SPEF2: variants seen among roughly 807,000 people sequenced by gnomAD.
SPEF2 encodes the protein sperm flagellar and cilia associated 2.
A neutral mutation model predicts 224.6 loss-of-function variants in SPEF2; 187 were observed. The ratio of observed to expected loss-of-function variants is 0.83; its 90% CI spans 0.74 to 0.94. The LOEUF (loss-of-function observed/expected upper bound fraction) is 0.94. Among genes scored for constraint, SPEF2 ranks in the 40% least tolerant of loss-of-function variants. The pLI, the probability that SPEF2 is intolerant of heterozygous loss-of-function variation, is 0.00. For synonymous variants in SPEF2, 715 were observed against 707.3 expected (o/e 1.01, Z -0.17); for missense variants, 2,170 against 2,135.6 (o/e 1.02, Z -0.32).
At chr5:35,803,937 C>A (rs1757757359) in intron 34 of SPEF2, among the ~76,000 whole-genome samples, 1 of 152,194 alleles carries the variant, frequency 6.6e-6, no homozygotes, top group African/African-American at 2.4e-5. Context: ...AAAAGCGAGG[C>A]ATTCATCAGT....
chr5:35,672,041 A>C (rs187639906), intron 10 of SPEF2, among the ~76,000 whole-genome samples: 1 of 151,782 alleles, frequency 6.6e-6, no homozygotes, highest in Non-Finnish European at 1.5e-5. Context: ...TCCTACATAC[A>C]AGTAAAAAAT....
At chr5:35,732,378 A>G (rs1161616482) in intron 21 of SPEF2, among the ~76,000 whole-genome samples, 1 of 152,070 alleles carries the variant, frequency 6.6e-6, no homozygotes, top group African/African-American at 2.4e-5. Context: ...GCTTTTTAAA[A>G]ATGGTCTTTA....
intron 19 of SPEF2, among the ~76,000 whole-genome samples, chr5:35,712,303 C>T (rs1741317553): frequency 6.6e-6 from 1 of 151,306 alleles, no homozygotes; most frequent in African/African-American, 2.4e-5. Context: ...CTATGTTGCC[C>T]AGGCCATACT....
At chr5:35,620,777 T>C (rs1044765200) in intron 1 of SPEF2, among the ~76,000 whole-genome samples, 1 of 151,926 alleles carries the variant, frequency 6.6e-6, no homozygotes, top group African/African-American at 2.4e-5. Context: ...AACCAAAAGT[T>C]AGAGCTTATT....
chr5:35,740,754 C>T (rs891508250), intron 23 of SPEF2, among the ~76,000 whole-genome samples: 1 of 151,976 alleles, frequency 6.6e-6, no homozygotes, highest in Non-Finnish European at 1.5e-5. Context: ...TGGTAGTGCC[C>T]CAGCAAGCAC....
In SPEF2 at chr5:35,713,071, G is replaced by A. The variant is rs13153894; in HGVS notation, c.2914+185G>A. ...CATCCTGGCGCTTACCAAAGGCCCT[G>A]CTGAGAAAAGTGATGCTTGCAGGGA... On this transcript the variant is annotated intron_variant, in intron 20 of 36. Coordinates refer to ENST00000356031, the MANE Select transcript of SPEF2 (RefSeq NM_024867.4). 0.75 allele frequency among the ~76,000 whole-genome samples: 114,275 copies of A among 151,992 alleles called. 43,314 individuals carry two copies. Among genetic ancestry groups the A allele is most frequent in the Middle Eastern group, 0.83 (244 of 294 alleles).
At chr5:35,707,418 A>C (rs188635209) in intron 18 of SPEF2, among the ~76,000 whole-genome samples, 101 of 152,308 alleles carry the variant, frequency 6.6e-4, no homozygotes, top group Non-Finnish European at 1.1e-3. Flanking sequence ...ATTATGAATA[A>C]CTTTAAAAGT....
intron 10 of SPEF2, among the ~76,000 whole-genome samples, chr5:35,679,183 T>C (rs1197168948): frequency 6.6e-6 from 1 of 152,204 alleles, no homozygotes; most frequent in Non-Finnish European, 1.5e-5. Context: ...ATAGGTATAC[T>C]TCTGTAGTAT....
intron 1 of SPEF2, among the ~76,000 whole-genome samples, chr5:35,620,000 G>A (rs1422322326): frequency 6.6e-6 from 1 of 152,082 alleles, no homozygotes; most frequent in Non-Finnish European, 1.5e-5. Context: ...TTCTAATGGA[G>A]TATTCTGCTT....
At chr5:35,801,753 T>G (rs1757452018) in intron 34 of SPEF2, among the ~76,000 whole-genome samples, 1 of 152,068 alleles carries the variant, frequency 6.6e-6, no homozygotes, top group Non-Finnish European at 1.5e-5. Context: ...TGGTGCACCC[T>G]GCTTCCCCTA....
At chr5:35,665,874 C>G (rs1750401894) in intron 8 of SPEF2, among the ~76,000 whole-genome samples, 1 of 152,120 alleles carries the variant, frequency 6.6e-6, no homozygotes, top group South Asian at 2.1e-4. Flanking sequence ...GCTTAACCCC[C>G]TTCCCAACAA....
intron 8 of SPEF2, among the ~76,000 whole-genome samples, chr5:35,664,770 G>C (rs1750230662): frequency 6.9e-6 from 1 of 145,192 alleles, no homozygotes; most frequent in Non-Finnish European, 1.5e-5. Context: ...GGAGGAGAGA[G>C]AGAGAGAGAG....
In SPEF2 at chr5:35,708,949, T is replaced by G. The variant is rs1359113123; in HGVS notation, c.2667T>G (p.Val889=). ...TTEIAKKKNK[V]EKKLEEKEAE... ...TCAATTCTTATCATCCTTTTGAAGT[T>G]GAGAAGAAATTAGAAGAAAAGGAAG... The change falls in exon 19 of 37, where the codon GTT becomes GTG. Residue 889 remains valine (V), a splice_region_variant and synonymous_variant. Transcript: ENST00000356031. 6.2e-7 allele frequency: 1 copy of G among 1,606,340 alleles called. No homozygotes were observed. Among genetic ancestry groups the G allele is most frequent in the Admixed American group, 1.7e-5 (1 of 57,460 alleles).
At position 35,691,049 on chromosome 5, in the gene SPEF2, G is replaced by A. The variant is rs2149531474; in HGVS notation, c.1537G>A (p.Glu513Lys). The change falls in exon 11 of 37, where the codon GAG (glutamate) becomes AAG (lysine). Residue 513 changes from glutamate (E) to lysine (K), a missense_variant. Glu to Lys is a moderately conservative substitution (Grantham distance 56). Transcript: ENST00000356031. ...GTTATTTTTACAGAACATGGTTGGA[G>A]AGTGGGCCTTACCAGAAGAAATGGT... is the stretch of plus-strand genomic sequence containing the variant. ...DYEEYKNMVGEWALPEEMVDN... is the reference protein window; with the variant it reads ...DYEEYKNMVGKWALPEEMVDN... 6.2e-7 allele frequency: 1 copy of A among 1,613,742 alleles called. No homozygotes were observed. Among genetic ancestry groups the A allele is most frequent in the Non-Finnish European group, 8.5e-7 (1 of 1,179,778 alleles).
intron 20 of SPEF2, among the ~76,000 whole-genome samples, chr5:35,722,523 G>C (rs143884466): frequency 0.039 from 5,580 of 143,808 alleles, 141 homozygotes; most frequent in Non-Finnish European, 0.052. Context: ...TAGGGTACAT[G>C]TGCACATTAT....
intron 30 of SPEF2, among the ~76,000 whole-genome samples, chr5:35,784,738 G>A (rs1009703632): frequency 6.6e-6 from 1 of 152,134 alleles, no homozygotes; most frequent in Non-Finnish European, 1.5e-5. Flanking sequence ...ACCACAGAGA[G>A]CTTGTGGTCA....
intron 36 of SPEF2, among the ~76,000 whole-genome samples, chr5:35,808,596 T>G (rs1758338101): frequency 6.6e-6 from 1 of 152,060 alleles, no homozygotes; most frequent in African/African-American, 2.4e-5. Flanking sequence ...TTTATATGGC[T>G]GCATAGTATT....
chr5:35,788,505 A>G (rs1337229952), intron 30 of SPEF2: 5 of 702,578 alleles, frequency 7.1e-6, no homozygotes, highest in Non-Finnish European at 1.3e-5. Flanking sequence ...GAACTTGTCT[A>G]TGTGCAGTTT....
chr5:35,619,399 C>T (rs908725325), intron 1 of SPEF2, among the ~76,000 whole-genome samples: 5 of 152,090 alleles, frequency 3.3e-5, no homozygotes, highest in Admixed American at 2.0e-4. Flanking sequence ...AAACCACACC[C>T]GGGCCGGGTG....
Sources: gnomAD v4.1 joint callset for allele counts (sites outside exome capture counted in the v4.1 genomes callset) on GRCh38, gnomAD v4.1.1 for gene constraint, MANE v1.5 for transcripts, NCBI Gene and HGNC (gene_info 2026-07-23, HGNC 2026-07-21) for gene names.